Variants in MAGI2 observed in about 807,000 individuals in gnomAD.
The protein encoded by MAGI2 is membrane-associated guanylate kinase, WW and PDZ domain-containing protein 2.
Under a neutral mutation model 133.3 loss-of-function variants are expected in MAGI2, and 35 were observed. The ratio of observed to expected loss-of-function variants is 0.26; its 90% CI spans 0.20 to 0.35. MAGI2 has a LOEUF of 0.35. Among genes scored for constraint, MAGI2 ranks in the 10% least tolerant of loss-of-function variants. MAGI2 has a pLI of 1.00. For missense variants in MAGI2, 1,636 were observed against 1,863.4 expected (o/e 0.88, Z 2.25); for synonymous variants, 729 against 710.6 (o/e 1.03, Z -0.41).
chr7:78,731,365 C>T (rs1049462207), intron 2 of MAGI2, among the ~76,000 whole-genome samples: 1 of 152,116 alleles, frequency 6.6e-6, no homozygotes, highest in African/African-American at 2.4e-5. Context: ...TACTTGGTTT[C>T]TCCACTCTGG....
At chr7:78,831,281 T>C (rs1474878598) in intron 2 of MAGI2, among the ~76,000 whole-genome samples, 1 of 152,212 alleles carries the variant, frequency 6.6e-6, no homozygotes, top group Non-Finnish European at 1.5e-5. Flanking sequence ...CCACATACTA[T>C]TGGTCCCTCT....
chr7:79,112,227 A>G (rs1200226675), intron 1 of MAGI2, among the ~76,000 whole-genome samples: 1 of 152,132 alleles, frequency 6.6e-6, no homozygotes, highest in African/African-American at 2.4e-5. Context: ...TTATCTGGAA[A>G]AAAAATCTCA....
intron 1 of MAGI2, among the ~76,000 whole-genome samples, chr7:79,189,954 A>T (rs1257293607): frequency 6.6e-6 from 1 of 151,676 alleles, no homozygotes; most frequent in African/African-American, 2.4e-5. Flanking sequence ...TGGCTTAATT[A>T]TTTATTTCTT....
intron 10 of MAGI2, 29 bp downstream of exon 10, chr7:78,255,914 T>G (rs770469987): frequency 6.2e-7 from 1 of 1,607,486 alleles, no homozygotes; most frequent in East Asian, 2.2e-5. Context: ...TACCCACATA[T>G]TTTATTGCTG....
chr7:79,292,767 C>T (rs1836594857), intron 1 of MAGI2, among the ~76,000 whole-genome samples: 1 of 26,200 alleles, frequency 3.8e-5, no homozygotes, highest in East Asian at 7.3e-4. Context: ...TTGTCAATTT[C>T]TGCAAAAAAA....
intron 1 of MAGI2, among the ~76,000 whole-genome samples, chr7:79,166,859 G>A (rs1056050908): frequency 1.2e-4 from 18 of 151,784 alleles, no homozygotes; most frequent in Admixed American, 3.9e-4. Flanking sequence ...GAGCATGCAC[G>A]GTACAGAAAA....
chr7:79,417,086 T>G (rs1241767364), intron 1 of MAGI2, among the ~76,000 whole-genome samples: 1 of 152,084 alleles, frequency 6.6e-6, no homozygotes, highest in South Asian at 2.1e-4. Context: ...AAGTTAAAAA[T>G]GAATAAAGAA....
rs913596432 is a variant in MAGI2, at chr7:79,189,234, G to C, written c.302-182028C>G. 2.1e-5 allele frequency among the ~76,000 whole-genome samples: 3 copies of C among 145,722 alleles called. No individual in the cohort carries two copies. The Admixed American group carries it at 2.1e-4, about 10-fold the overall frequency. ...TCTCATAGGGAGTTCTACAGGCTAT[G>C]TACCAGAGGGTTTATTGTCTCCAAA... On this transcript the variant is annotated intron_variant, in intron 1 of 21. Coordinates refer to ENST00000354212, the MANE Select transcript of MAGI2 (RefSeq NM_012301.4).
chr7:79,118,250 G>T (rs568119066), intron 1 of MAGI2, among the ~76,000 whole-genome samples: 1 of 152,268 alleles, frequency 6.6e-6, no homozygotes, highest in Admixed American at 6.5e-5. Flanking sequence ...TTGCAAACAT[G>T]CTACTATTTG....
intron 2 of MAGI2, among the ~76,000 whole-genome samples, chr7:78,935,895 C>T (rs1800472445): frequency 6.6e-6 from 1 of 151,984 alleles, no homozygotes; most frequent in South Asian, 2.1e-4. Context: ...TCCAGAATTG[C>T]CCATTATTGC....
At chr7:78,939,357 T>C (rs1004627159) in intron 2 of MAGI2, among the ~76,000 whole-genome samples, 1 of 152,176 alleles carries the variant, frequency 6.6e-6, no homozygotes, top group African/African-American at 2.4e-5. Flanking sequence ...CATTTGAGAT[T>C]GGCTTTGAAA....
chr7:78,508,732 G>C (rs1795311636), intron 4 of MAGI2, among the ~76,000 whole-genome samples: 1 of 152,128 alleles, frequency 6.6e-6, no homozygotes, highest in African/African-American at 2.4e-5. Flanking sequence ...TTTAAATTCT[G>C]ACTAGGGAGA....
chr7:79,147,432 T>C (rs1408332621), intron 1 of MAGI2, among the ~76,000 whole-genome samples: 1 of 152,154 alleles, frequency 6.6e-6, no homozygotes, highest in East Asian at 1.9e-4. Flanking sequence ...TTAAAAGAAG[T>C]AAGCAAGCTC....
intron 6 of MAGI2, among the ~76,000 whole-genome samples, chr7:78,413,060 T>C (rs2151381621): frequency 6.6e-6 from 1 of 152,218 alleles, no homozygotes; most frequent in South Asian, 2.1e-4. Context: ...GAAAAGTCAC[T>C]GTTATCTGAA....
intron 20 of MAGI2, among the ~76,000 whole-genome samples, chr7:78,123,041 A>G (rs568890214): frequency 6.6e-6 from 1 of 152,284 alleles, no homozygotes; most frequent in African/African-American, 2.4e-5. Context: ...CTTTTCCTTA[A>G]AATCTGAATG....
intron 1 of MAGI2, among the ~76,000 whole-genome samples, chr7:79,145,868 A>G (rs1822568554): frequency 6.6e-6 from 1 of 152,254 alleles, no homozygotes; most frequent in Admixed American, 6.5e-5. Context: ...ATAGAGTGTC[A>G]TGCATCCAAA....
chr7:78,950,059 C>T (rs547497032), intron 2 of MAGI2, among the ~76,000 whole-genome samples: 6 of 152,222 alleles, frequency 3.9e-5, no homozygotes, highest in African/African-American at 1.2e-4. Flanking sequence ...CACCTTCTTT[C>T]CCCTCCTCTG....
chr7:78,828,909 A>T (rs190771504), intron 2 of MAGI2, among the ~76,000 whole-genome samples: 1 of 152,328 alleles, frequency 6.6e-6, no homozygotes, highest in East Asian at 1.9e-4. Flanking sequence ...ATAAGAATTG[A>T]TCTGACCCTT....
intron 1 of MAGI2, among the ~76,000 whole-genome samples, chr7:79,158,928 T>C (rs1473926853): frequency 6.6e-6 from 1 of 152,080 alleles, no homozygotes; most frequent in Non-Finnish European, 1.5e-5. Context: ...TCTTATTAAA[T>C]ATCTTTGTCT....
Sources: gnomAD v4.1 joint callset for allele counts (sites outside exome capture counted in the v4.1 genomes callset) on GRCh38, gnomAD v4.1.1 for gene constraint, MANE v1.5 for transcripts, NCBI Gene and HGNC (gene_info 2026-07-23, HGNC 2026-07-21) for gene names.